PCDH9: variants seen among roughly 807,000 people sequenced by gnomAD.
PCDH9 encodes the protein protocadherin-9.
Under a neutral mutation model 70.6 loss-of-function variants are expected in PCDH9, and 24 were observed. That is an observed-to-expected ratio of 0.34 (90% confidence interval 0.25 to 0.48). PCDH9 has a LOEUF of 0.48. PCDH9 is among the 20% of genes least tolerant of loss of function. The pLI, the probability that PCDH9 is intolerant of heterozygous loss-of-function variation, is 0.99. For missense variants in PCDH9, 1,281 were observed against 1,503.6 expected (o/e 0.85, Z 2.45); for synonymous variants, 562 against 558.5 (o/e 1.01, Z -0.09).
chr13:67,194,616 A>G (rs1286355727), intron 2 of PCDH9, among the ~76,000 whole-genome samples: 1 of 152,144 alleles, frequency 6.6e-6, no homozygotes, highest in Non-Finnish European at 1.5e-5. Context: ...GCAATGTAAA[A>G]CCTTTGCTTC....
intron 4 of PCDH9, among the ~76,000 whole-genome samples, chr13:66,368,463 A>G (rs2138210217): frequency 6.6e-6 from 1 of 152,100 alleles, no homozygotes; most frequent in Middle Eastern, 3.4e-3. Context: ...TTTATATTAA[A>G]TAAGAGTGAT....
intron 4 of PCDH9, among the ~76,000 whole-genome samples, chr13:66,477,505 AC>A (rs756183127): frequency 1.2e-3 from 180 of 152,284 alleles, no homozygotes; most frequent in Admixed American, 1.9e-3. Context: ...TGGCAATCCA[AC>A]AGACATTTTG....
intron 3 of PCDH9, among the ~76,000 whole-genome samples, chr13:66,667,038 A>C (rs1295243129): frequency 1.3e-5 from 2 of 152,182 alleles, no homozygotes; most frequent in African/African-American, 4.8e-5. Flanking sequence ...TTTTTTAGGG[A>C]CATCAAATTT....
chr13:66,735,662 A>G (rs2079137002), intron 3 of PCDH9, among the ~76,000 whole-genome samples: 1 of 152,170 alleles, frequency 6.6e-6, no homozygotes, highest in Non-Finnish European at 1.5e-5. Context: ...TGCACGTAGT[A>G]TTAATAATTT....
At chr13:66,508,897 C>A (rs1959322021) in intron 4 of PCDH9, among the ~76,000 whole-genome samples, 1 of 150,034 alleles carries the variant, frequency 6.7e-6, no homozygotes, top group Non-Finnish European at 1.5e-5. Context: ...GACACACAGT[C>A]CCCACCTCCT....
In PCDH9 at chr13:66,947,966, G is replaced by A. The variant is rs77102035; in HGVS notation, c.3037-44361C>T. ...GTTATTGGAACTATCTAACCTAGAG[G>A]AAAATAGAATGTGGTAGAAAGAATT... On this transcript the variant is annotated intron_variant, in intron 2 of 4. Coordinates refer to ENST00000377865, the MANE Select transcript of PCDH9 (RefSeq NM_203487.3). Among the ~76,000 whole-genome samples, 1,513 of 152,186 alleles carry A rather than the reference G, an allele frequency of 9.9e-3. 30 individuals carry two copies. Among genetic ancestry groups the A allele is most frequent in the African/African-American group, 0.035 (1,445 of 41,534 alleles).
chr13:66,660,293 AT>A (rs1336850291), intron 3 of PCDH9, among the ~76,000 whole-genome samples: 1 of 151,908 alleles, frequency 6.6e-6, no homozygotes, highest in Non-Finnish European at 1.5e-5. Flanking sequence ...TGAGATCTTT[AT>A]TTCTTTGCCT....
chr13:66,776,925 A>G (rs2079904620), intron 3 of PCDH9, among the ~76,000 whole-genome samples: 1 of 145,990 alleles, frequency 6.8e-6, no homozygotes, highest in South Asian at 2.3e-4. Context: ...CTGGTACCAA[A>G]ACAGAGATAG....
chr13:67,012,633 G>A (rs1481377304), intron 2 of PCDH9, among the ~76,000 whole-genome samples: 1 of 151,736 alleles, frequency 6.6e-6, no homozygotes, highest in Non-Finnish European at 1.5e-5. Flanking sequence ...TTAGTGAGTC[G>A]CATTTTTTTC....
chr13:67,038,634 T>C (rs1368387539), intron 2 of PCDH9, among the ~76,000 whole-genome samples: 2 of 152,184 alleles, frequency 1.3e-5, no homozygotes, highest in African/African-American at 4.8e-5. Context: ...AATCTAATAC[T>C]CAAAAACACC....
At chr13:66,783,227 C>A (rs1317351832) in intron 3 of PCDH9, among the ~76,000 whole-genome samples, 1 of 152,094 alleles carries the variant, frequency 6.6e-6, no homozygotes. Context: ...AATTTCTTTT[C>A]TTTTTTGCTT....
chr13:67,179,766 C>T (rs2088566618), intron 2 of PCDH9, among the ~76,000 whole-genome samples: 1 of 152,020 alleles, frequency 6.6e-6, no homozygotes, highest in South Asian at 2.1e-4. Context: ...TAAAAAATCA[C>T]CTAGGCTACA....
intron 4 of PCDH9, among the ~76,000 whole-genome samples, chr13:66,321,586 T>G (rs1955755761): frequency 6.6e-6 from 1 of 151,934 alleles, no homozygotes; most frequent in Non-Finnish European, 1.5e-5. Context: ...CCTAAGATGG[T>G]CTGTTAAATA....
chr13:66,769,533 A>G (rs1233906273), intron 3 of PCDH9, among the ~76,000 whole-genome samples: 1 of 151,662 alleles, frequency 6.6e-6, no homozygotes, highest in South Asian at 2.1e-4. Context: ...AGCCACTTTC[A>G]TAACAGTGTG....
At chr13:66,619,628 A>G (rs1458653188) in intron 4 of PCDH9, among the ~76,000 whole-genome samples, 1 of 152,182 alleles carries the variant, frequency 6.6e-6, no homozygotes, top group East Asian at 1.9e-4. Flanking sequence ...TTAAGCCTGC[A>G]TTATATGCTA....
intron 4 of PCDH9, among the ~76,000 whole-genome samples, chr13:66,436,503 T>C (rs2138388847): frequency 6.6e-6 from 1 of 152,210 alleles, no homozygotes; most frequent in East Asian, 1.9e-4. Flanking sequence ...TTCCTAAAGG[T>C]TTTAATCTAT....
chr13:66,362,368 C>T (rs1473102247), intron 4 of PCDH9, among the ~76,000 whole-genome samples: 2 of 152,104 alleles, frequency 1.3e-5, no homozygotes, highest in Non-Finnish European at 2.9e-5. Flanking sequence ...TCAGTTTAAG[C>T]ATTAGCCAAT....
At chr13:67,162,472 A>C (rs770373203) in intron 2 of PCDH9, among the ~76,000 whole-genome samples, 1 of 152,208 alleles carries the variant, frequency 6.6e-6, no homozygotes, top group Non-Finnish European at 1.5e-5. Flanking sequence ...ACCAAACACC[A>C]CAAGCAGTGT....
rs56280836 is a variant in PCDH9, at chr13:66,681,950, CATATAT to C, written c.3139-50545_3139-50540del. ...CTGGGTACATATGAGTATATACAAA[CATATAT>C]ATATATATATATTTGAGAGATTTTG... On this transcript the variant is annotated intron_variant, in intron 3 of 4. Transcript: ENST00000377865. Among the ~76,000 whole-genome samples the C allele has an allele frequency of 1.3e-3, 172 of 130,384 alleles. 4 individuals are homozygous for C. The highest frequency in any genetic ancestry group is 4.6e-3 in the African/African-American group (147 of 32,210). The allele number at this position is 130,384 out of a possible 152,430, so 85.5% of individuals were successfully genotyped here. A position where few individuals can be genotyped will look rare whatever the true frequency, so the allele number is the denominator to read the frequency against.
Sources: allele counts gnomAD v4.1 joint callset (sites outside exome capture counted in the v4.1 genomes callset), GRCh38; gene constraint gnomAD v4.1.1; transcripts MANE v1.5; gene names NCBI Gene and HGNC (gene_info 2026-07-23, HGNC 2026-07-21).